The following ZNF597 variants were observed in gnomAD, a reference collection of about 807,000 sequenced individuals.
ZNF597 encodes the protein zinc finger protein 597.
Under a neutral mutation model 7.3 loss-of-function variants are expected in ZNF597, and 5 were observed. The ratio of observed to expected loss-of-function variants is 0.68; its 90% CI spans 0.36 to 1.44. The LOEUF is 1.44. ZNF597 is among the 40% of genes most tolerant of loss of function. ZNF597 has a pLI of 0.04. For synonymous variants in ZNF597, 209 were observed against 185.4 expected, an observed-to-expected ratio of 1.13 and a Z score of -1.04; for missense variants, 585 against 517.9, an observed-to-expected ratio of 1.13 and a Z score of -1.26.
At chr16:3,437,758 A>G (rs771128034) in intron 3 of ZNF597, among the ~76,000 whole-genome samples, 1 of 152,084 alleles carries the variant, frequency 6.6e-6, no homozygotes, top group Non-Finnish European at 1.5e-5. Flanking sequence ...GAGAATAGCT[A>G]TAACTAAGTC....
intron 3 of ZNF597, among the ~76,000 whole-genome samples, chr16:3,438,258 G>T (rs974925380): frequency 6.8e-6 from 1 of 146,408 alleles, no homozygotes; most frequent in Non-Finnish European, 1.5e-5. Context: ...GAGTGGGAAA[G>T]AAAATAATTT....
Position 3,443,160 on chromosome 16 carries a change from G to C in ZNF597, c.-7C>G. On this transcript the variant is annotated 5_prime_UTR_variant, in exon 2 of 4. Coordinates refer to ENST00000301744, the MANE Select transcript of ZNF597 (RefSeq NM_152457.3). ...TCGGGGGCATGGACGCCATTTGGCG[G>C]GTGGGGAATGCCTTCTTCAAGACGC... 1 of 1,612,352 alleles carries C rather than the reference G, an allele frequency of 6.2e-7. No homozygotes were observed. Among genetic ancestry groups the C allele is most frequent in the South Asian group, 1.1e-5 (1 of 90,842 alleles).
At chr16:3,437,732 T>C (rs1402852402) in intron 3 of ZNF597, among the ~76,000 whole-genome samples, 194 bp from the exon 4 acceptor site, 1 of 86,010 alleles carries the variant, frequency 1.2e-5, no homozygotes, top group Non-Finnish European at 2.7e-5. Context: ...TTTGGGTGAA[T>C]ATCCAAAGGT....
chr16:3,436,763 G>A lies in ZNF597; in HGVS notation c.936C>T (p.Ala312=). Residue 312 remains alanine, a synonymous_variant, in exon 4 of 4, where the codon GCC becomes GCT. Coordinates refer to ENST00000301744, the MANE Select transcript of ZNF597 (RefSeq NM_152457.3). ...CCTCGTCGTGGCTCTTCTCGGAAAG[G>A]GCAGGATATAAGGACTGCCTGAAGC... The part of the protein sequence containing the change: ...MKSFRQSLYP[A]LSEKSHDEDS... The A allele has an allele frequency of 6.2e-7, 1 of 1,613,696 alleles. No individual in the cohort carries two copies. The highest frequency in any genetic ancestry group is 2.2e-5 in the East Asian group (1 of 44,888).
At position 3,434,419 on chromosome 16, in the gene ZNF597, AT is replaced by A. The variant is rs933443952; in HGVS notation, c.*2004del. On this transcript the variant is annotated 3_prime_UTR_variant, in exon 4 of 4. Coordinates refer to ENST00000301744, the MANE Select transcript of ZNF597 (RefSeq NM_152457.3). ...CTAACTGGAGACTATCTTTCTACACATTTCAAAGCACCTCAGAGAAACCTGG... is the reference window on the plus strand; with the variant it reads ...CTAACTGGAGACTATCTTTCTACACATTCAAAGCACCTCAGAGAAACCTGG... 3.3e-5 allele frequency: 5 copies of A among 152,218 alleles called. No individual in the cohort carries two copies. Among genetic ancestry groups the A allele is most frequent in the African/African-American group, 1.2e-4 (5 of 41,442 alleles). The allele number at this position is 152,218 out of a possible 1,614,324, so 9.4% of individuals were successfully genotyped here. A position where few individuals can be genotyped will look rare whatever the true frequency, so the allele number is the denominator to read the frequency against.
chr16:3,437,506 A>G lies in ZNF597; in HGVS notation c.193T>C (p.Leu65=), dbSNP rs773821507. 5.6e-6 allele frequency: 9 copies of G among 1,604,310 alleles called. No homozygotes were observed. In the South Asian group the frequency reaches 9.0e-5, roughly 16 times the overall value. ...EEGKPEINQQ[L]SLESMELDEL... ...TCAAGTTCCATAGACTCTAGGCTTAACTGCTGATTAATCTCAGGCTTGCCT... is the reference window on the plus strand; with the variant it reads ...TCAAGTTCCATAGACTCTAGGCTTAGCTGCTGATTAATCTCAGGCTTGCCT... The change falls in exon 4 of 4, where the codon TTA becomes CTA. Residue 65 remains leucine (L), a synonymous_variant. Coordinates refer to ENST00000301744, the MANE Select transcript of ZNF597 (RefSeq NM_152457.3).
intron 2 of ZNF597, 47 bp downstream of exon 2, chr16:3,443,074 G>C (rs2034415871): frequency 1.2e-6 from 2 of 1,613,260 alleles, no homozygotes; most frequent in African/African-American, 2.7e-5. Context: ...GTCAGGCAGA[G>C]ACCGAAAGCA....
At chr16:3,440,334 T>A (rs1375648144) in intron 3 of ZNF597, among the ~76,000 whole-genome samples, 3 of 152,246 alleles carry the variant, frequency 2.0e-5, no homozygotes, top group African/African-American at 7.2e-5. Context: ...ACTGAATTTT[T>A]GTCTTTAAGA....
chr16:3,440,757 C>A, intron 3 of ZNF597, 50 bp downstream of exon 3: 2 of 1,605,874 alleles, frequency 1.2e-6, no homozygotes, highest in South Asian at 1.1e-5. Flanking sequence ...ATGAAGTTCT[C>A]CTCCTAGAAT....
chr16:3,434,182 T>G lies in ZNF597; in HGVS notation c.*2242A>C, dbSNP rs959658598. 6.6e-6 allele frequency: 1 copy of G among 152,222 alleles called. No individual in the cohort carries two copies. Among genetic ancestry groups the G allele is most frequent in the Non-Finnish European group, 1.5e-5 (1 of 68,056 alleles). 9.4% of individuals were successfully genotyped at this position (152,222 alleles called of 1,614,324 possible). ...TCTAAGATATTCCCCTCTACTTCTT[T>G]CTGCAGCAACTCTGCTAATCCAGAC... On this transcript the variant is annotated 3_prime_UTR_variant, in exon 4 of 4. Coordinates refer to ENST00000301744, the MANE Select transcript of ZNF597 (RefSeq NM_152457.3).
Position 3,434,536 on chromosome 16 carries a change from T to G in ZNF597, c.*1888A>C, listed in dbSNP as rs2057460217. 6.6e-6 allele frequency: 1 copy of G among 151,510 alleles called. No homozygotes were observed. The highest frequency in any genetic ancestry group is 1.5e-5 in the Non-Finnish European group (1 of 67,972). 9.4% of individuals were successfully genotyped at this position (151,510 alleles called of 1,614,324 possible). On this transcript the variant is annotated 3_prime_UTR_variant, in exon 4 of 4. Transcript: ENST00000301744. ...ATACAGAGCAGCACATTGTCTCAAC[T>G]GTGGATCTGCAAACAAGAAACAAGA...
chr16:3,441,667 CAA>C (rs1260473307), intron 2 of ZNF597, among the ~76,000 whole-genome samples: 1 of 151,892 alleles, frequency 6.6e-6, no homozygotes, highest in Non-Finnish European at 1.5e-5. Flanking sequence ...GCCTGGGCAA[CAA>C]GAGTAAAACT....
rs879428043 is a variant in ZNF597 at position 3,435,608 on chromosome 16, T to C, written c.*816A>G. On this transcript the variant is annotated 3_prime_UTR_variant, in exon 4 of 4. Coordinates refer to ENST00000301744, the MANE Select transcript of ZNF597 (RefSeq NM_152457.3). ...ATTCTGAAGATTAAATTACATAATA[T>C]ATCTAAAGTAGCTAGCATGCTCACT... is the stretch of plus-strand genomic sequence containing the variant. 6.6e-6 allele frequency: 1 copy of C among 152,180 alleles called. No individual in the cohort carries two copies. Among genetic ancestry groups the C allele is most frequent in the Non-Finnish European group, 1.5e-5 (1 of 68,036 alleles). The allele number at this position is 152,180 out of a possible 1,614,324, so 9.4% of individuals were successfully genotyped here.
At chr16:3,441,013 A>G (rs2150934235) in intron 2 of ZNF597, 80 bp from the exon 3 acceptor site, 3 of 1,542,944 alleles carry the variant, frequency 1.9e-6, no homozygotes, top group East Asian at 4.6e-5. Flanking sequence ...GAAAAGAGCT[A>G]GAAACATCAG....
chr16:3,440,582 A>C (rs2034356352), intron 3 of ZNF597, among the ~76,000 whole-genome samples: 1 of 152,098 alleles, frequency 6.6e-6, no homozygotes, highest in South Asian at 2.1e-4. Flanking sequence ...TGCAGTGAGC[A>C]GAGATCGTGC....
rs201008466 is a variant in ZNF597, at chr16:3,437,140, C to A, written c.559G>T (p.Gly187Cys). ...IHSGEKKHKCGDCGKIFNHRA... is the reference protein window; with the variant it reads ...IHSGEKKHKCCDCGKIFNHRA... ...TGATTGAAGATCTTTCCACAGTCAC[C>A]ACATTTATGTTTTTTCTCTCCTGAA... The change falls in exon 4 of 4, where the codon GGT (glycine) becomes TGT (cysteine). Residue 187 changes from glycine to cysteine, a missense_variant. Transcript: ENST00000301744. The A allele has an allele frequency of 4.3e-6, 7 of 1,614,040 alleles. No individual in the cohort carries two copies. Among genetic ancestry groups the A allele is most frequent in the Non-Finnish European group, 5.9e-6 (7 of 1,180,044 alleles).
At chr16:3,438,899 A>T (rs1226059186) in intron 3 of ZNF597, among the ~76,000 whole-genome samples, 1 of 152,192 alleles carries the variant, frequency 6.6e-6, no homozygotes, top group African/African-American at 2.4e-5. Context: ...AGTTTTCCCA[A>T]CTCACTGACT....
At chr16:3,438,712 T>C (rs1309624548) in intron 3 of ZNF597, among the ~76,000 whole-genome samples, 9 of 152,270 alleles carry the variant, frequency 5.9e-5, no homozygotes, top group East Asian at 1.9e-4. Flanking sequence ...TACTCCTCAC[T>C]GAGGAAAGAT....
rs1316578465 is a variant in ZNF597, at chr16:3,436,451, C to T, written c.1248G>A (p.Lys416=). The change falls in exon 4 of 4, where the codon AAG becomes AAA. Residue 416 remains lysine, a synonymous_variant. Transcript: ENST00000301744. ...FKSNLHLITH[K]RTHIKNTT Reference sequence around the variant, plus strand: ...ACGTGGTGTTTTTTATGTGAGTTCGCTTATGAGTAATGAGATGCAAATTCG... The same window carrying T: ...ACGTGGTGTTTTTTATGTGAGTTCGTTTATGAGTAATGAGATGCAAATTCG... The T allele has an allele frequency of 1.9e-6, 3 of 1,613,756 alleles. No homozygotes were observed. In the African/African-American group the frequency reaches 4.0e-5, roughly 22 times the overall value.
Sources: gnomAD v4.1 joint callset for allele counts (sites outside exome capture counted in the v4.1 genomes callset) on GRCh38, gnomAD v4.1.1 for gene constraint, MANE v1.5 for transcripts, NCBI Gene and HGNC (gene_info 2026-07-23, HGNC 2026-07-21) for gene names.